Variants in CXCL13 observed in about 807,000 individuals in gnomAD.
CXCL13 encodes the protein C-X-C motif chemokine ligand 13.
In CXCL13, 7 loss-of-function variants were observed where a neutral mutation model predicts 12.2. That is an observed-to-expected ratio of 0.57 (90% CI 0.33 to 1.07). The LOEUF (loss-of-function observed/expected upper bound fraction) is 1.07. Among genes scored for constraint, CXCL13 ranks in the 50% least tolerant of loss-of-function variants. The pLI is 0.04. For missense variants in CXCL13, 113 were observed against 127.4 expected (o/e 0.89, Z 0.55); for synonymous variants, 47 against 42.4 (o/e 1.11, Z -0.42).
intron 1 of CXCL13, among the ~76,000 whole-genome samples, chr4:77,568,460 C>T (rs1463707562): frequency 6.6e-6 from 1 of 152,200 alleles, no homozygotes; most frequent in Non-Finnish European, 1.5e-5. Context: ...CCTCTCAGTG[C>T]CAAAATGCTT....
Position 77,596,653 on chromosome 4 carries a change from C to T in CXCL13, c.-42-9171C>T, listed in dbSNP as rs373699960. Among the ~76,000 whole-genome samples, 8 of 151,758 alleles carry T rather than the reference C, an allele frequency of 5.3e-5. No homozygotes were observed. The East Asian group carries it at 1.4e-3, about 26-fold the overall frequency. On this transcript the variant is annotated intron_variant, in intron 1 of 4. Transcript: ENST00000286758. ...TACAAAAATTAGCTGGGTATGGTGG[C>T]GGGTGCCTCTAGTCCCAGCTACTGG...
Position 77,532,633 on chromosome 4 carries a change from T to A in CXCL13, c.-43+20845T>A, listed in dbSNP as rs183778688. 9.7e-4 allele frequency among the ~76,000 whole-genome samples: 147 copies of A among 152,294 alleles called. 2 individuals carry two copies. The highest frequency in any genetic ancestry group is 6.3e-3 in the Admixed American group (97 of 15,288). On this transcript the variant is annotated intron_variant, in intron 1 of 4. Transcript: ENST00000286758. ...GGAAATTCTCCTGGATAATATCCTG[T>A]AGAGTGTTTTCCAACTTGGTTCCAT...
At chr4:77,559,626 A>G (rs1005664035) in intron 1 of CXCL13, among the ~76,000 whole-genome samples, 2 of 151,232 alleles carry the variant, frequency 1.3e-5, no homozygotes, top group Non-Finnish European at 2.9e-5. Flanking sequence ...AAAGTAAAGT[A>G]AAACCTGACA....
At chr4:77,567,900 A>T (rs1347799033) in intron 1 of CXCL13, among the ~76,000 whole-genome samples, 1 of 152,196 alleles carries the variant, frequency 6.6e-6, no homozygotes, top group Non-Finnish European at 1.5e-5. Context: ...AAAATAGCCA[A>T]CCAGCAGCCC....
intron 1 of CXCL13, among the ~76,000 whole-genome samples, chr4:77,516,370 T>C (rs905389064): frequency 8.5e-5 from 13 of 152,206 alleles, no homozygotes; most frequent in Non-Finnish European, 1.3e-4. Flanking sequence ...TGGAATAGTT[T>C]CAGAAGGAAT....
At chr4:77,603,172 C>T (rs574502953), upstream of CXCL13, among the ~76,000 whole-genome samples, 2 of 152,134 alleles carry the variant, frequency 1.3e-5, no homozygotes, top group East Asian at 1.9e-4. Context: ...TTTTTTTGCT[C>T]TCACAAGAAA....
At chr4:77,580,397 G>T in intron 1 of CXCL13, among the ~76,000 whole-genome samples, 1 of 118,614 alleles carries the variant, frequency 8.4e-6, no homozygotes, top group East Asian at 2.8e-4. Flanking sequence ...TGCAATCTTG[G>T]CTCACTGCAA....
At chr4:77,554,582 C>A (rs1474665566) in intron 1 of CXCL13, among the ~76,000 whole-genome samples, 10 of 152,050 alleles carry the variant, frequency 6.6e-5, no homozygotes, top group Admixed American at 5.2e-4. Flanking sequence ...CAGTATCAAC[C>A]AACTTGATCT....
intron 1 of CXCL13, among the ~76,000 whole-genome samples, chr4:77,526,016 A>C (rs1434436616): frequency 6.6e-6 from 1 of 152,022 alleles, no homozygotes; most frequent in Admixed American, 6.6e-5. Flanking sequence ...AGAAACAATG[A>C]AAAAGCATTT....
chr4:77,517,605 T>C (rs1724460302), intron 1 of CXCL13, among the ~76,000 whole-genome samples: 1 of 152,234 alleles, frequency 6.6e-6, no homozygotes, highest in African/African-American at 2.4e-5. Flanking sequence ...TTAAAGTCTG[T>C]TTTACCAGAG....
upstream of CXCL13, among the ~76,000 whole-genome samples, chr4:77,602,728 A>G (rs1238305801): frequency 6.6e-6 from 1 of 152,196 alleles, no homozygotes; most frequent in Non-Finnish European, 1.5e-5. Flanking sequence ...ATGTATTTTT[A>G]TGTTTCTAAA....
intron 1 of CXCL13, among the ~76,000 whole-genome samples, chr4:77,559,243 G>T (rs991384163): frequency 1.4e-4 from 22 of 152,316 alleles, no homozygotes; most frequent in African/African-American, 5.1e-4. Flanking sequence ...AACACCTGGG[G>T]AAGAAAGGGG....
chr4:77,542,080 G>A (rs1725217856), intron 1 of CXCL13, among the ~76,000 whole-genome samples: 1 of 152,002 alleles, frequency 6.6e-6, no homozygotes, highest in Admixed American at 6.6e-5. Context: ...ATTTTACTGA[G>A]GTCATTTATC....
chr4:77,536,535 G>T (rs1687316629), intron 1 of CXCL13, among the ~76,000 whole-genome samples: 1 of 152,150 alleles, frequency 6.6e-6, no homozygotes, highest in Non-Finnish European at 1.5e-5. Flanking sequence ...TCCCTCATCT[G>T]TAAGGAGGGA....
intron 1 of CXCL13, among the ~76,000 whole-genome samples, chr4:77,607,033 A>G (rs1727015674): frequency 6.6e-6 from 1 of 152,200 alleles, no homozygotes; most frequent in Non-Finnish European, 1.5e-5. Context: ...GGACCAACAT[A>G]TCAAACAAAA....
chr4:77,607,363 T>C (rs1727021118), intron 1 of CXCL13, among the ~76,000 whole-genome samples: 1 of 152,244 alleles, frequency 6.6e-6, no homozygotes, highest in Non-Finnish European at 1.5e-5. Context: ...TTTGTTTGTT[T>C]GCTTTCTGAG....
chr4:77,548,340 C>T (rs1725426547), intron 1 of CXCL13, among the ~76,000 whole-genome samples: 1 of 152,222 alleles, frequency 6.6e-6, no homozygotes, highest in Non-Finnish European at 1.5e-5. Flanking sequence ...GTATCTTCAA[C>T]ACATTTGAGT....
At chr4:77,547,372 T>G (rs1369950600) in intron 1 of CXCL13, among the ~76,000 whole-genome samples, 1 of 152,198 alleles carries the variant, frequency 6.6e-6, no homozygotes, top group African/African-American at 2.4e-5. Context: ...TCTAAGTCTC[T>G]TTCTAGGTCT....
rs188593911 is a variant in CXCL13, at chr4:77,580,609, G to A, written c.-42-25215G>A. On this transcript the variant is annotated intron_variant, in intron 1 of 4. Transcript: ENST00000286758. Reference sequence around the variant, plus strand: ...CAAAGTGCTGGGATTACAGGTGTGAGCCACCATGCCCAGCCGGGCTCTTAT... The same window carrying A: ...CAAAGTGCTGGGATTACAGGTGTGAACCACCATGCCCAGCCGGGCTCTTAT... 1.1e-3 allele frequency among the ~76,000 whole-genome samples: 169 copies of A among 151,978 alleles called. 3 individuals are homozygous for A. The East Asian group carries it at 0.025, about 22-fold the overall frequency.
Sources: allele counts gnomAD v4.1 joint callset (sites outside exome capture counted in the v4.1 genomes callset), GRCh38; gene constraint gnomAD v4.1.1; transcripts MANE v1.5; gene names NCBI Gene and HGNC (gene_info 2026-07-23, HGNC 2026-07-21).